Variants in CEP131 observed in about 807,000 individuals in gnomAD.
CEP131 encodes the protein centrosomal protein 131.
CEP131 carries 99 observed loss-of-function variants against 136.8 expected under a neutral mutation model. The ratio of observed to expected loss-of-function variants is 0.72; its 90% CI spans 0.62 to 0.86. The LOEUF (loss-of-function observed/expected upper bound fraction) is 0.86, where lower values mean the gene tolerates loss of function less well. Among genes scored for constraint, CEP131 ranks in the 40% least tolerant of loss-of-function variants. The pLI is 0.00. For synonymous variants in CEP131, 646 were observed against 612.7 expected, an observed-to-expected ratio of 1.05 and a Z score of -0.80; for missense variants, 1,459 against 1,463.0, an observed-to-expected ratio of 1.00 and a Z score of 0.04.
intron 15 of CEP131, 80 bp downstream of exon 15, chr17:81,196,621 G>A: frequency 2.0e-6 from 3 of 1,515,896 alleles, no homozygotes; most frequent in Non-Finnish European, 2.6e-6. Context: ...AAGCTCCCTG[G>A]CAGTGGGAAG....
At position 81,203,520 on chromosome 17, in the gene CEP131, G is replaced by A; in HGVS notation, c.603C>T (p.Ser201=). The change falls in exon 6 of 26, where the codon AGC becomes AGT. Residue 201 remains serine (S), a synonymous_variant. Transcript: ENST00000450824. This position sits in a 1 kb window ranked among gnomAD's most constrained non-coding sequence, Gnocchi z 4.6. ...TPSERAPPLK[S]SNQTAPSLNN... ...TGAGGGAGGGGGCAGTCTGGTTGGA[G>A]CTCTTGAGCGGAGGCGCCCTCTCCG... 6.2e-7 allele frequency: 1 copy of A among 1,607,442 alleles called. No homozygotes were observed. Among genetic ancestry groups the A allele is most frequent in the South Asian group, 1.1e-5 (1 of 89,692 alleles).
At position 81,220,009 on chromosome 17, in the gene CEP131, T is replaced by G. The variant is rs537291084; in HGVS notation, c.48A>C (p.Ala16=). 6.2e-7 allele frequency: 1 copy of G among 1,609,546 alleles called. No individual in the cohort carries two copies. Among genetic ancestry groups the G allele is most frequent in the Non-Finnish European group, 8.5e-7 (1 of 1,178,260 alleles). ...GACCTGTCAGACTCAGGTCCACACC[T>G]GCTGGGCTGCGCTCCGGGACGCTGC... ...AIGSVPERSP[A]GVDLSLTGLP... The change falls in exon 2 of 26, where the codon GCA becomes GCC. Residue 16 remains alanine, a synonymous_variant. Coordinates refer to ENST00000450824, the MANE Select transcript of CEP131 (RefSeq NM_014984.4).
Position 81,192,757 on chromosome 17 carries a change from C to G in CEP131, c.2408G>C (p.Arg803Pro), listed in dbSNP as rs778185778. ...GCACCTGGCTGCCTGCTGGCCCAGC[C>G]GCTCCCTCTCCTCAGCCACCTCACT... is the stretch of plus-strand genomic sequence containing the variant. ...LYSEVAEERERLGQQAARQRA... is the reference protein window; with the variant it reads ...LYSEVAEEREPLGQQAARQRA... The change falls in exon 19 of 26, where the codon CGG (arginine) becomes CCG (proline). Residue 803 changes from arginine to proline, a missense_variant. Physicochemically the swap from Arg to Pro is moderately radical, Grantham distance 103 (BLOSUM62 -2). This residue lies in a region of CEP131 where 1,026 missense variants were observed against 964.2 expected (regional missense o/e 1.06). Transcript: ENST00000450824. The G allele has an allele frequency of 1.9e-6, 3 of 1,588,826 alleles. No homozygotes were observed. In the Admixed American group the frequency reaches 5.0e-5, roughly 26 times the overall value.
intron 10 of CEP131, 135 bp from the exon 11 acceptor site, chr17:81,199,106 C>T (rs1235265390): frequency 1.2e-5 from 11 of 905,398 alleles, no homozygotes; most frequent in Non-Finnish European, 1.6e-5. Context: ...GCTGGGGAGC[C>T]ACGGCCTTCT....
rs538248087 is a variant in CEP131 at position 81,191,094 on chromosome 17, G to C, written c.2766-10C>G. ...CCGTAAGCGCTTGATGCTGGAGGTG[G>C]GGGGAGGGCAGGGTCACTCCAGCCC... On this transcript the variant is annotated splice_polypyrimidine_tract_variant and intron_variant, in intron 22 of 25. Coordinates refer to ENST00000450824, the MANE Select transcript of CEP131 (RefSeq NM_014984.4). 5.0e-6 allele frequency: 8 copies of C among 1,599,748 alleles called. No homozygotes were observed. The South Asian group carries it at 6.7e-5, about 13-fold the overall frequency.
At chr17:81,207,783 C>T (rs1005510518) in intron 3 of CEP131, among the ~76,000 whole-genome samples, 12 of 150,528 alleles carry the variant, frequency 8.0e-5, no homozygotes, top group African/African-American at 2.9e-4. Context: ...GGCCAATCCC[C>T]ACTGCCACCC....
intron 13 of CEP131, 99 bp from the exon 14 acceptor site, chr17:81,197,154 G>C: frequency 6.9e-7 from 1 of 1,455,582 alleles, no homozygotes; most frequent in Non-Finnish European, 9.1e-7. Context: ...TGGGGACAGA[G>C]GGGCTGCTGC....
At chr17:81,200,471 C>A in intron 7 of CEP131, 25 bp from the exon 8 acceptor site, 1 of 1,515,802 alleles carries the variant, frequency 6.6e-7, no homozygotes, top group Non-Finnish European at 8.9e-7. Context: ...GGACTCAGGG[C>A]CAAGACAGGA....
In CEP131 at chr17:81,196,816, C is replaced by T. The variant is rs372141233; in HGVS notation, c.1784G>A (p.Arg595Gln). 1.0e-5 allele frequency: 16 copies of T among 1,593,116 alleles called. No homozygotes were observed. The highest frequency in any genetic ancestry group is 6.8e-5 in the East Asian group (3 of 44,054). The change falls in exon 15 of 26, where the codon CGA becomes CAA. Residue 595 changes from arginine to glutamine, a missense_variant. This residue lies in a region of CEP131 where 1,026 missense variants were observed against 964.2 expected (regional missense o/e 1.06). Coordinates refer to ENST00000450824, the MANE Select transcript of CEP131 (RefSeq NM_014984.4). Reference sequence around the variant, plus strand: ...CTTGACCCGCCGGGCCGTGAGGTCTCGCTGCTGCGCCTGCAGGGTGTGGGC... The same window carrying T: ...CTTGACCCGCCGGGCCGTGAGGTCTTGCTGCTGCGCCTGCAGGGTGTGGGC... Reference protein sequence around the residue: ...LLLQRALAQQRDLTARRVKET... With the variant: ...LLLQRALAQQQDLTARRVKET...
In CEP131 at chr17:81,192,366, C is replaced by A. The variant is rs201824599; in HGVS notation, c.2574G>T (p.Gln858His). The A allele has an allele frequency of 3.0e-4, 480 of 1,596,412 alleles. 2 individuals carry two copies. In the African/African-American group the frequency reaches 5.8e-3, roughly 19 times the overall value. ...HQMELNTLKQ[Q>H]LELERQAWEA... The stretch of plus-strand genomic sequence containing the variant: ...CCCACGCCTGCCTCTCCAGCTCCAG[C>A]TGCTGCTTCAGGGTATTCAGCTCCA... Residue 858 changes from glutamine to histidine, a missense_variant, in exon 21 of 26, where the codon CAG becomes CAT. Coordinates refer to ENST00000450824, the MANE Select transcript of CEP131 (RefSeq NM_014984.4).
At position 81,219,775 on chromosome 17, in the gene CEP131, G is replaced by C. The variant is rs1226888094; in HGVS notation, c.177+105C>G. ...CCACGAGGATCCAGCATGTCCAGAT[G>C]TGAGGCACTTGTTCACCTGTGGAGC... On this transcript the variant is annotated intron_variant, in intron 2 of 25. Coordinates refer to ENST00000450824, the MANE Select transcript of CEP131 (RefSeq NM_014984.4). This position sits in a 1 kb window ranked among gnomAD's most constrained non-coding sequence, Gnocchi z 4.0. The C allele has an allele frequency of 4.8e-6, 6 of 1,244,598 alleles. No homozygotes were observed. Among genetic ancestry groups the C allele is most frequent in the Non-Finnish European group, 6.5e-6 (6 of 920,494 alleles). 77.1% of individuals were successfully genotyped at this position (1,244,598 alleles called of 1,614,324 possible). A position where few individuals can be genotyped will look rare whatever the true frequency, so the allele number is the denominator to read the frequency against.
At position 81,200,560 on chromosome 17, in the gene CEP131, G is replaced by A. The variant is rs950938471; in HGVS notation, c.789-114C>T. On this transcript the variant is annotated intron_variant, in intron 7 of 25. Coordinates refer to ENST00000450824, the MANE Select transcript of CEP131 (RefSeq NM_014984.4). ...GAGAGAAGCCGGCGGCTGCACTCAA[G>A]TAGCCCTTTTCACAAGGCAGGACCA... 20 of 777,306 alleles carry A rather than the reference G, an allele frequency of 2.6e-5. No individual in the cohort carries two copies. In the African/African-American group the frequency reaches 2.9e-4, roughly 11 times the overall value. The allele number at this position is 777,306 out of a possible 1,614,324, so 48.2% of individuals were successfully genotyped here.
chr17:81,214,811 C>T (rs1019722295), intron 2 of CEP131, among the ~76,000 whole-genome samples: 4 of 152,158 alleles, frequency 2.6e-5, no homozygotes, highest in African/African-American at 7.2e-5. Flanking sequence ...CTCGCTCTGT[C>T]GCCCAGGGTG....
Position 81,196,841 on chromosome 17 carries a change from C to T in CEP131, c.1774-15G>A, listed in dbSNP as rs2061766969. ...CGCTGCTGCGCCTGCAGGGTGTGGG[C>T]AGAGGAGGGAAGCGCTAGGACCGGT... On this transcript the variant is annotated splice_polypyrimidine_tract_variant and intron_variant, in intron 14 of 25. Transcript: ENST00000450824. 2 of 1,597,866 alleles carry T rather than the reference C, an allele frequency of 1.3e-6. No homozygotes were observed. Among genetic ancestry groups the T allele is most frequent in the Non-Finnish European group, 1.7e-6 (2 of 1,173,232 alleles).
intron 2 of CEP131, among the ~76,000 whole-genome samples, chr17:81,214,339 T>C (rs1483863440): frequency 1.3e-5 from 2 of 152,174 alleles, no homozygotes; most frequent in African/African-American, 4.8e-5. Flanking sequence ...CGGATTCACT[T>C]GAGGTCAGTA....
chr17:81,200,054 G>A (rs1649817091), intron 8 of CEP131: 2 of 613,926 alleles, frequency 3.3e-6, no homozygotes, highest in African/African-American at 1.8e-5. Context: ...CTGGCGTGGG[G>A]GAGACAGCTC....
intron 18 of CEP131, among the ~76,000 whole-genome samples, chr17:81,193,113 C>T (rs2061679996): frequency 1.3e-5 from 2 of 152,242 alleles, no homozygotes; most frequent in South Asian, 4.1e-4. Context: ...GGAGCCGCGT[C>T]CAGGCCCCCT....
At chr17:81,207,588 G>A (rs1166065595) in intron 3 of CEP131, among the ~76,000 whole-genome samples, 2 of 151,820 alleles carry the variant, frequency 1.3e-5, no homozygotes, top group Admixed American at 6.6e-5. Flanking sequence ...GGGCTCAAGA[G>A]ATCCTCTCAC....
Position 81,197,031 on chromosome 17 carries a change from C to G in CEP131, c.1672G>C (p.Gly558Arg), listed in dbSNP as rs746194813. Residue 558 changes from glycine (G) to arginine (R), a missense_variant, in exon 14 of 26, where the codon GGG (glycine) becomes CGG (arginine). Physicochemically the swap from Gly to Arg is moderately radical, Grantham distance 125. This residue lies in a region of CEP131 where 1,026 missense variants were observed against 964.2 expected (regional missense o/e 1.06). Coordinates refer to ENST00000450824, the MANE Select transcript of CEP131 (RefSeq NM_014984.4). ...ACCTCGGACCCCAGCTCCAGGGGCC[C>G]CGGCCCCGCCTCCGGCACCCACCCC... ...QEGWVPEAGP[G>R]PLELGSEVST... is the part of the protein sequence containing the mutation. The G allele has an allele frequency of 1.3e-6, 2 of 1,590,182 alleles. No homozygotes were observed. The highest frequency in any genetic ancestry group is 1.7e-6 in the Non-Finnish European group (2 of 1,168,610).
Sources: gnomAD v4.1 joint callset for allele counts (sites outside exome capture counted in the v4.1 genomes callset) on GRCh38, gnomAD v4.1.1 for gene constraint, gnomAD v4.1.1 regional missense constraint, Gnocchi (gnomAD v3.1) non-coding constraint, MANE v1.5 for transcripts, NCBI Gene and HGNC (gene_info 2026-07-23, HGNC 2026-07-21) for gene names.